The following CADM2 variants were observed in gnomAD, a reference collection of about 807,000 sequenced individuals.
CADM2 encodes the protein immunoglobulin superfamily member 4D.
Under a neutral mutation model 49.8 loss-of-function variants are expected in CADM2, and 12 were observed. The observed-to-expected ratio is 0.24, with a 90% CI of 0.15 to 0.39. The LOEUF is 0.39. Among genes scored for constraint, CADM2 ranks in the 10% least tolerant of loss-of-function variants. The pLI is 1.00. For missense variants in CADM2, 378 were observed against 492.3 expected (o/e 0.77, Z 2.20); for synonymous variants, 214 against 175.4 (o/e 1.22, Z -1.74).
Position 85,229,449 on chromosome 3 carries a change from C to T in CADM2, c.61+269781C>T, listed in dbSNP as rs187829611. Among the ~76,000 whole-genome samples, 36 of 152,286 alleles carry T rather than the reference C, an allele frequency of 2.4e-4. No individual in the cohort carries two copies. The East Asian group carries it at 5.8e-3, about 25-fold the overall frequency. ...AGCCCGCCCTGCTTCAACTCGCCCT[C>T]GGTGGGCTGCACCTACTGTCCAACC... is the stretch of plus-strand genomic sequence containing the variant. On this transcript the variant is annotated intron_variant, in intron 1 of 9. Coordinates refer to ENST00000383699, the MANE Select transcript of CADM2 (RefSeq NM_001167675.2).
intron 2 of CADM2, among the ~76,000 whole-genome samples, chr3:85,792,627 G>A (rs1390187249): frequency 2.0e-5 from 3 of 152,164 alleles, no homozygotes; most frequent in Non-Finnish European, 4.4e-5. Context: ...AAGCACTCAT[G>A]TGCAGTGTGC....
rs370255636 is a variant in CADM2, at chr3:86,018,801, T to C, written c.971-46804T>C. Among the ~76,000 whole-genome samples, 437 of 149,714 alleles carry C rather than the reference T, an allele frequency of 2.9e-3. 3 individuals carry two copies. Among genetic ancestry groups the C allele is most frequent in the African/African-American group, 9.9e-3 (404 of 40,938 alleles). Reference sequence around the variant, plus strand: ...AGCCCTTTGTCAGATGAGTAGGTTGTGAAAATTTTCTCCCATTTTGTAGGT... The same window carrying C: ...AGCCCTTTGTCAGATGAGTAGGTTGCGAAAATTTTCTCCCATTTTGTAGGT... On this transcript the variant is annotated intron_variant, in intron 8 of 9. Transcript: ENST00000383699.
chr3:85,022,195 G>C (rs770985730), intron 1 of CADM2, among the ~76,000 whole-genome samples: 1 of 152,122 alleles, frequency 6.6e-6, no homozygotes, highest in East Asian at 1.9e-4. Flanking sequence ...TTGTTCACAA[G>C]AATTCCCCTG....
chr3:85,797,849 T>C (rs2071721299), intron 2 of CADM2, among the ~76,000 whole-genome samples: 1 of 152,192 alleles, frequency 6.6e-6, no homozygotes, highest in Non-Finnish European at 1.5e-5. Flanking sequence ...CCTTCCACAA[T>C]GGTTGAGCTA....
At chr3:85,762,338 A>G (rs1376193742) in intron 2 of CADM2, among the ~76,000 whole-genome samples, 2 of 151,876 alleles carry the variant, frequency 1.3e-5, no homozygotes, top group East Asian at 3.9e-4. Context: ...TTGTTTGTTC[A>G]TTTGTTTGTT....
intron 1 of CADM2, among the ~76,000 whole-genome samples, chr3:85,428,661 TATATC>T (rs896529459): frequency 2.1e-5 from 3 of 145,342 alleles, no homozygotes; most frequent in African/African-American, 7.6e-5. Flanking sequence ...AAATATATAA[TATATC>T]ATATATAATA....
chr3:85,105,674 G>T (rs1021261860), intron 1 of CADM2, among the ~76,000 whole-genome samples: 1 of 152,144 alleles, frequency 6.6e-6, no homozygotes, highest in East Asian at 1.9e-4. Context: ...ATTCACAATA[G>T]CAAAGACTTG....
At chr3:85,638,718 T>A (rs1341478053) in intron 1 of CADM2, among the ~76,000 whole-genome samples, 2 of 152,148 alleles carry the variant, frequency 1.3e-5, no homozygotes, top group African/African-American at 4.8e-5. Context: ...CCATACTTAT[T>A]TCCCCTCCCT....
intron 1 of CADM2, among the ~76,000 whole-genome samples, chr3:85,290,919 C>T (rs1369984432): frequency 2.6e-4 from 39 of 152,320 alleles, no homozygotes; most frequent in African/African-American, 7.2e-4. Context: ...TCACCAGCAA[C>T]GGAACAAAGC....
At chr3:85,078,416 CA>C (rs1418996286) in intron 1 of CADM2, among the ~76,000 whole-genome samples, 1 of 151,786 alleles carries the variant, frequency 6.6e-6, no homozygotes, top group Non-Finnish European at 1.5e-5. Context: ...GAGCTAAGAA[CA>C]AAGCAAATAT....
chr3:85,359,491 T>C (rs2032149172), intron 1 of CADM2, among the ~76,000 whole-genome samples: 1 of 150,564 alleles, frequency 6.6e-6, no homozygotes, highest in African/African-American at 2.4e-5. Context: ...TTTGACCAAG[T>C]TGTGTGTCAG....
intron 1 of CADM2, among the ~76,000 whole-genome samples, chr3:85,316,867 G>A (rs937516904): frequency 3.9e-5 from 6 of 152,114 alleles, no homozygotes; most frequent in Non-Finnish European, 7.4e-5. Flanking sequence ...GAAACACCCA[G>A]CTGTCAAAAC....
chr3:85,104,057 T>G (rs2038116643), intron 1 of CADM2, among the ~76,000 whole-genome samples: 7 of 152,242 alleles, frequency 4.6e-5, no homozygotes, highest in Admixed American at 4.6e-4. Flanking sequence ...TTTAATTAGA[T>G]CCCATTTGTC....
intron 6 of CADM2, among the ~76,000 whole-genome samples, chr3:85,923,514 G>T (rs1489702302): frequency 7.0e-6 from 1 of 142,726 alleles, no homozygotes; most frequent in Non-Finnish European, 1.5e-5. Context: ...AAAATTCTGA[G>T]TTCTCAATTG....
intron 3 of CADM2, among the ~76,000 whole-genome samples, chr3:85,811,910 AGCTTTTAAGGAAGGCAG>A (rs1341981907): frequency 1.4e-5 from 2 of 138,884 alleles, no homozygotes; most frequent in Admixed American, 7.4e-5. Flanking sequence ...GAGCATTAGT[AGCTTTTAAGGAAGGCAG>A]GCTTCACTAA....
At chr3:85,251,991 C>T (rs950055944) in intron 1 of CADM2, among the ~76,000 whole-genome samples, 1 of 151,920 alleles carries the variant, frequency 6.6e-6, no homozygotes, top group African/African-American at 2.4e-5. Flanking sequence ...CACCACAAAG[C>T]CTGGAATTTG....
chr3:85,228,632 G>C (rs1004879972), intron 1 of CADM2, among the ~76,000 whole-genome samples: 1 of 151,808 alleles, frequency 6.6e-6, no homozygotes, highest in Non-Finnish European at 1.5e-5. Context: ...TGTTTGCCTG[G>C]GTATCACCTG....
chr3:85,321,130 T>A (rs1331613116), intron 1 of CADM2, among the ~76,000 whole-genome samples: 4 of 12,250 alleles, frequency 3.3e-4, no homozygotes, highest in African/African-American at 1.3e-3. Context: ...TTTTTTTTTT[T>A]TTTTTTTTTT....
chr3:85,396,809 AC>A, intron 1 of CADM2, among the ~76,000 whole-genome samples: 1 of 152,146 alleles, frequency 6.6e-6, no homozygotes, highest in South Asian at 2.1e-4. Context: ...TAAGCTTAAA[AC>A]TTTTAGAAGA....
Sources: gnomAD v4.1 joint callset for allele counts (sites outside exome capture counted in the v4.1 genomes callset) on GRCh38, gnomAD v4.1.1 for gene constraint, MANE v1.5 for transcripts, NCBI Gene and HGNC (gene_info 2026-07-23, HGNC 2026-07-21) for gene names.